The following TMCO4 variants were observed in gnomAD, a reference collection of about 807,000 sequenced individuals.
TMCO4 encodes the protein transmembrane and coiled-coil domain-containing protein 4.
A neutral mutation model predicts 64.7 loss-of-function variants in TMCO4; 58 were observed. That is an observed-to-expected ratio of 0.90 (90% CI 0.73 to 1.12). TMCO4 has a LOEUF of 1.12. Ranked by LOEUF, TMCO4 falls within the 50% of genes most tolerant of loss-of-function variation. TMCO4 has a pLI of 0.00. For synonymous variants in TMCO4, 325 were observed against 346.1 expected (o/e 0.94, Z 0.68); for missense variants, 780 against 825.9 (o/e 0.94, Z 0.68).
rs2042978277 is a variant in TMCO4 at position 19,771,440 on chromosome 1, CA to C, written c.221del (p.Leu74ArgfsTer11). ...TTGGCAAGACAGCTTCAGACAACTC[CA>C]GCCACTGCACCAGGCCTGCCATGAA... ...TEFMAGLVQWLELSEAVLPTM... is the reference protein window; with the variant it reads ...TEFMAGLVQWXELSEAVLPTM... On this transcript the variant is annotated frameshift_variant, in exon 5 of 16. Transcript: ENST00000294543. LOFTEE classifies it high-confidence loss of function. The C allele has an allele frequency of 6.2e-7, 1 of 1,614,158 alleles. No homozygotes were observed. The highest frequency in any genetic ancestry group is 8.5e-7 in the Non-Finnish European group (1 of 1,179,998).
chr1:19,705,476 C>CAAAT (rs150945264), intron 13 of TMCO4, among the ~76,000 whole-genome samples: 1 of 145,412 alleles, frequency 6.9e-6, no homozygotes, highest in Non-Finnish European at 1.5e-5. Context: ...AATAAATAAA[C>CAAAT]AAATAAATAA....
chr1:19,682,624 T>C lies in TMCO4; in HGVS notation c.*416A>G. 1 of 717,566 alleles carries C rather than the reference T, an allele frequency of 1.4e-6. No homozygotes were observed. The highest frequency in any genetic ancestry group is 2.6e-6 in the Non-Finnish European group (1 of 385,086). The allele number at this position is 717,566 out of a possible 1,614,324, so 44.4% of individuals were successfully genotyped here. A position where few individuals can be genotyped will look rare whatever the true frequency, so the allele number is the denominator to read the frequency against. On this transcript the variant is annotated 3_prime_UTR_variant, in exon 16 of 16. Transcript: ENST00000294543. ...GTGGATGGAAGAACAGGCATGCACC[T>C]GGTTTTATTGAGGCCAGGGGAGAGC...
At chr1:19,699,499 A>G (rs1243739449) in intron 14 of TMCO4, among the ~76,000 whole-genome samples, 1 of 147,902 alleles carries the variant, frequency 6.8e-6, no homozygotes. Flanking sequence ...ATATATATAT[A>G]TATATATATA....
At chr1:19,710,662 C>G (rs1199296900) in intron 13 of TMCO4, among the ~76,000 whole-genome samples, 1 of 152,144 alleles carries the variant, frequency 6.6e-6, no homozygotes, top group African/African-American at 2.4e-5. Context: ...ATTTTCCCTC[C>G]TACTCTCCTG....
chr1:19,732,070 C>T lies in TMCO4; in HGVS notation c.1264+5302G>A, dbSNP rs2095432475. On this transcript the variant is annotated intron_variant, in intron 13 of 15. Coordinates refer to ENST00000294543, the MANE Select transcript of TMCO4 (RefSeq NM_181719.7). This position sits in a 1 kb window ranked among gnomAD's most constrained non-coding sequence, Gnocchi z 4.8. ...AACTGAGCGGGGCCTGTGCACCCAG[C>T]TGCATGGGAGGAGCTGCCTTCTGTC... 6.6e-6 allele frequency among the ~76,000 whole-genome samples: 1 copy of T among 152,218 alleles called. No homozygotes were observed. Among genetic ancestry groups the T allele is most frequent in the Admixed American group, 6.5e-5 (1 of 15,282 alleles).
intron 7 of TMCO4, among the ~76,000 whole-genome samples, chr1:19,755,236 C>T (rs185760227): frequency 8.5e-5 from 13 of 152,358 alleles, no homozygotes; most frequent in Non-Finnish European, 1.6e-4. Flanking sequence ...AGTGATTCTC[C>T]TGGCTCAGCC....
intron 13 of TMCO4, among the ~76,000 whole-genome samples, chr1:19,713,709 T>A (rs953066931): frequency 6.6e-6 from 1 of 150,918 alleles, no homozygotes; most frequent in African/African-American, 2.4e-5. Context: ...TAAAAATATA[T>A]CAACAACAAC....
intron 13 of TMCO4, among the ~76,000 whole-genome samples, chr1:19,709,156 C>A (rs12759415): frequency 6.6e-6 from 1 of 151,994 alleles, no homozygotes; most frequent in Admixed American, 6.5e-5. Context: ...CTTAAAGGAG[C>A]CTGTTTGGAC....
intron 7 of TMCO4, among the ~76,000 whole-genome samples, chr1:19,752,878 C>T (rs2042082497): frequency 6.6e-6 from 1 of 151,376 alleles, no homozygotes; most frequent in Non-Finnish European, 1.5e-5. Context: ...CTTGTGCCTG[C>T]ATCTAGTAGG....
intron 13 of TMCO4, among the ~76,000 whole-genome samples, chr1:19,716,516 C>T (rs898324407): frequency 3.3e-4 from 50 of 151,708 alleles, no homozygotes; most frequent in Non-Finnish European, 1.3e-4. Context: ...AGGCGTGAGC[C>T]ACCACTCTTG....
intron 15 of TMCO4, among the ~76,000 whole-genome samples, chr1:19,691,545 C>A (rs1329197681): frequency 6.6e-6 from 1 of 152,220 alleles, no homozygotes; most frequent in East Asian, 1.9e-4. Flanking sequence ...GTGTGAGCCA[C>A]ACTGTGGTGG....
Position 19,703,640 on chromosome 1 carries a change from C to A in TMCO4, c.1265-2755G>T, listed in dbSNP as rs571503153. 8.2e-4 allele frequency among the ~76,000 whole-genome samples: 124 copies of A among 151,740 alleles called. 1 individual carries two copies. Among genetic ancestry groups the A allele is most frequent in the African/African-American group, 2.9e-3 (119 of 41,362 alleles). On this transcript the variant is annotated intron_variant, in intron 13 of 15. Coordinates refer to ENST00000294543, the MANE Select transcript of TMCO4 (RefSeq NM_181719.7). ...TTGGCTCACTGCAAATTCCACCCCC[C>A]AGGTTCAAGCGATCCTCCTGCCTCA... is the stretch of plus-strand genomic sequence containing the variant.
chr1:19,706,566 T>C (rs997056127), intron 13 of TMCO4, among the ~76,000 whole-genome samples: 1 of 152,176 alleles, frequency 6.6e-6, no homozygotes, highest in Non-Finnish European at 1.5e-5. Flanking sequence ...ATGTAGAGCG[T>C]TTATGCTTGC....
intron 6 of TMCO4, among the ~76,000 whole-genome samples, chr1:19,763,386 C>G (rs56256218): frequency 0.087 from 13,288 of 152,256 alleles, 804 homozygotes; most frequent in Non-Finnish European, 0.13. Flanking sequence ...CCAAGAATAT[C>G]TTTTTGATCT....
In TMCO4 at chr1:19,713,652, T is replaced by C. The variant is rs574809488; in HGVS notation, c.1265-12767A>G. Among the ~76,000 whole-genome samples the C allele has an allele frequency of 2.0e-5, 3 of 152,092 alleles. No individual in the cohort carries two copies. In the East Asian group the frequency reaches 5.8e-4, roughly 29 times the overall value. The stretch of plus-strand genomic sequence containing the variant: ...AGTTCAAGGCTGTAGTGAGCTATGG[T>C]TGTACCACTGCACTCCAGCCTGGAT... On this transcript the variant is annotated intron_variant, in intron 13 of 15. Transcript: ENST00000294543.
At chr1:19,713,897 C>T (rs1262165275) in intron 13 of TMCO4, among the ~76,000 whole-genome samples, 3 of 151,994 alleles carry the variant, frequency 2.0e-5, no homozygotes, top group Non-Finnish European at 2.9e-5. Flanking sequence ...CTCCATGATG[C>T]ATTGTGGTTA....
At chr1:19,791,016 G>A (rs1227933845) in intron 2 of TMCO4, among the ~76,000 whole-genome samples, 1 of 152,234 alleles carries the variant, frequency 6.6e-6, no homozygotes, top group Non-Finnish European at 1.5e-5. Flanking sequence ...CAGGGATATG[G>A]ATGGAGCTGG....
At chr1:19,690,346 C>G (rs1448979644) in intron 15 of TMCO4, among the ~76,000 whole-genome samples, 1 of 152,208 alleles carries the variant, frequency 6.6e-6, no homozygotes, top group Non-Finnish European at 1.5e-5. Context: ...ACACCACCGT[C>G]TATTGGGCCG....
chr1:19,723,070 C>T (rs913004594), intron 13 of TMCO4, among the ~76,000 whole-genome samples: 11 of 152,186 alleles, frequency 7.2e-5, no homozygotes, highest in African/African-American at 2.7e-4. Flanking sequence ...AGGCAAGTCG[C>T]TGGAGGAGGT....
Sources: gnomAD v4.1 joint callset for allele counts (sites outside exome capture counted in the v4.1 genomes callset) on GRCh38, gnomAD v4.1.1 for gene constraint, Gnocchi (gnomAD v3.1) non-coding constraint, MANE v1.5 for transcripts, NCBI Gene and HGNC (gene_info 2026-07-23, HGNC 2026-07-21) for gene names.